The following MDGA2 variants were observed in gnomAD, a reference collection of about 807,000 sequenced individuals.
MDGA2 encodes the protein MAM domain-containing glycosylphosphatidylinositol anchor protein 2.
MDGA2 carries 40 observed loss-of-function variants against 117.8 expected under a neutral mutation model. The observed-to-expected ratio is 0.34, with a 90% confidence interval of 0.26 to 0.44. MDGA2 has a LOEUF of 0.44. Ranked by LOEUF, MDGA2 falls within the 20% of genes least tolerant of loss-of-function variation. The pLI, the probability that MDGA2 is intolerant of heterozygous loss-of-function variation, is 1.00. For missense variants in MDGA2, 1,123 were observed against 1,250.6 expected (o/e 0.90, Z 1.54); for synonymous variants, 452 against 439.0 (o/e 1.03, Z -0.37).
At chr14:47,246,461 C>A (rs753350242) in intron 2 of MDGA2, among the ~76,000 whole-genome samples, 2 of 151,740 alleles carry the variant, frequency 1.3e-5, no homozygotes, top group Non-Finnish European at 3.0e-5. Flanking sequence ...TCAGGCAACT[C>A]AAAATGCTCG....
chr14:47,409,401 C>T (rs1263600086), intron 1 of MDGA2, among the ~76,000 whole-genome samples: 1 of 152,182 alleles, frequency 6.6e-6, no homozygotes, highest in Non-Finnish European at 1.5e-5. Context: ...CCATAGCATT[C>T]CTAGATGGCT....
At chr14:46,861,744 A>G (rs1881517068) in intron 14 of MDGA2, among the ~76,000 whole-genome samples, 1 of 151,964 alleles carries the variant, frequency 6.6e-6, no homozygotes, top group Non-Finnish European at 1.5e-5. Context: ...ACTACTTATT[A>G]CTGATATATT....
At chr14:47,611,497 C>G (rs1389037981) in intron 1 of MDGA2, among the ~76,000 whole-genome samples, 1 of 151,282 alleles carries the variant, frequency 6.6e-6, no homozygotes, top group Non-Finnish European at 1.5e-5. Context: ...ACAACAAACT[C>G]AAAAAAAATC....
intron 14 of MDGA2, among the ~76,000 whole-genome samples, chr14:46,865,020 A>T (rs539341325): frequency 6.6e-6 from 1 of 150,558 alleles, no homozygotes; most frequent in Non-Finnish European, 1.5e-5. Context: ...ACTCCAAGGG[A>T]AAAAAAATCC....
At chr14:47,450,723 TA>T (rs572611613) in intron 1 of MDGA2, among the ~76,000 whole-genome samples, 132 of 152,144 alleles carry the variant, frequency 8.7e-4, no homozygotes, top group Middle Eastern at 3.4e-3. Flanking sequence ...TATTAGTTAA[TA>T]TGAATAAGGA....
At chr14:47,565,612 T>C (rs1432920671) in intron 1 of MDGA2, among the ~76,000 whole-genome samples, 1 of 152,178 alleles carries the variant, frequency 6.6e-6, no homozygotes, top group African/African-American at 2.4e-5. Context: ...TCTGACTTCC[T>C]TGCTTCTTGT....
intron 2 of MDGA2, among the ~76,000 whole-genome samples, chr14:47,283,553 T>C (rs1329724275): frequency 6.6e-6 from 1 of 152,326 alleles, no homozygotes; most frequent in East Asian, 1.9e-4. Context: ...TTGATGCAAG[T>C]TACAAAAGCA....
chr14:47,399,305 C>T (rs1172398443), intron 1 of MDGA2, among the ~76,000 whole-genome samples: 1 of 152,050 alleles, frequency 6.6e-6, no homozygotes, highest in East Asian at 1.9e-4. Context: ...AATTCATTGT[C>T]CCCCAGTTAC....
At chr14:46,887,323 G>A (rs1003122616) in intron 10 of MDGA2, among the ~76,000 whole-genome samples, 1 of 151,916 alleles carries the variant, frequency 6.6e-6, no homozygotes, top group African/African-American at 2.4e-5. Flanking sequence ...GACAGGTTAA[G>A]GTAACTCTTT....
chr14:47,093,194 G>T (rs1879767741), intron 6 of MDGA2, among the ~76,000 whole-genome samples: 2 of 151,942 alleles, frequency 1.3e-5, no homozygotes, highest in Non-Finnish European at 2.9e-5. Context: ...GGGGAGGGGA[G>T]AAATTTTTGC....
chr14:46,931,153 T>G (rs1418864990), intron 9 of MDGA2, among the ~76,000 whole-genome samples: 3 of 141,260 alleles, frequency 2.1e-5, no homozygotes, highest in African/African-American at 8.2e-5. Context: ...AGGAGGTGGT[T>G]ACAGTGAGCC....
chr14:46,846,847 G>C (rs1031119720), intron 15 of MDGA2, among the ~76,000 whole-genome samples: 14 of 152,040 alleles, frequency 9.2e-5, no homozygotes, highest in Admixed American at 7.2e-4. Context: ...GTTTAATAAA[G>C]AGCTGTTTCT....
At chr14:46,952,727 G>A (rs912721528) in intron 9 of MDGA2, among the ~76,000 whole-genome samples, 2 of 151,906 alleles carry the variant, frequency 1.3e-5, no homozygotes, top group Non-Finnish European at 1.5e-5. Context: ...TCAGAATAAA[G>A]TAACATGTGA....
intron 8 of MDGA2, among the ~76,000 whole-genome samples, chr14:47,006,643 T>A (rs919474902): frequency 1.3e-5 from 2 of 151,472 alleles, no homozygotes; most frequent in African/African-American, 4.8e-5. Flanking sequence ...GCTGATGATG[T>A]CTATTATTTA....
chr14:47,354,513 G>A (rs1400813950), intron 1 of MDGA2, among the ~76,000 whole-genome samples: 2 of 152,102 alleles, frequency 1.3e-5, no homozygotes, highest in South Asian at 2.1e-4. Flanking sequence ...TTTTATACAT[G>A]TGACATATGA....
At chr14:47,423,277 C>A (rs1247971043) in intron 1 of MDGA2, among the ~76,000 whole-genome samples, 1 of 152,134 alleles carries the variant, frequency 6.6e-6, no homozygotes, top group African/African-American at 2.4e-5. Context: ...GTTTTAAATT[C>A]CTAAGTAATT....
chr14:46,926,650 C>T (rs181543907), intron 9 of MDGA2, among the ~76,000 whole-genome samples: 3 of 147,268 alleles, frequency 2.0e-5, no homozygotes, highest in East Asian at 3.9e-4. Context: ...ACCAAAATTA[C>T]ATTATCTTCA....
At chr14:47,036,332 TAC>T (rs1354987246) in intron 7 of MDGA2, among the ~76,000 whole-genome samples, 1 of 151,886 alleles carries the variant, frequency 6.6e-6, no homozygotes, top group East Asian at 1.9e-4. Flanking sequence ...ATTTCTGATT[TAC>T]AGAGAATATT....
intron 6 of MDGA2, among the ~76,000 whole-genome samples, chr14:47,063,077 T>G (rs1889951836): frequency 6.6e-6 from 1 of 152,032 alleles, no homozygotes; most frequent in African/African-American, 2.4e-5. Context: ...TATTCATAGA[T>G]TAGAGGCCAA....
Sources: gnomAD v4.1 joint callset for allele counts (sites outside exome capture counted in the v4.1 genomes callset) on GRCh38, gnomAD v4.1.1 for gene constraint, MANE v1.5 for transcripts, NCBI Gene and HGNC (gene_info 2026-07-23, HGNC 2026-07-21) for gene names.